XYLB: variants seen among roughly 807,000 people sequenced by gnomAD.
XYLB encodes xylulokinase.
A neutral mutation model predicts 78.7 loss-of-function variants in XYLB; 62 were observed. That is an observed-to-expected ratio of 0.79 (90% confidence interval 0.64 to 0.97). The LOEUF (loss-of-function observed/expected upper bound fraction) is 0.97, where lower values mean the gene tolerates loss of function less well. XYLB is among the 50% of genes least tolerant of loss of function. The probability of loss-of-function intolerance (pLI) is 0.00; values close to 1 mark genes in which losing one functional copy is unlikely to be tolerated. For missense variants in XYLB, 687 were observed against 676.8 expected, an observed-to-expected ratio of 1.02 and a Z score of -0.17; for synonymous variants, 245 against 247.4, an observed-to-expected ratio of 0.99 and a Z score of 0.09.
chr3:38,419,592 ATATATATATAT>A (rs1559628742), downstream of XYLB, among the ~76,000 whole-genome samples: 3 of 119,838 alleles, frequency 2.5e-5, 1 homozygote, highest in Admixed American at 8.7e-5. Flanking sequence ...ATATATATAT[ATATATATATAT>A]AATAGCCATC....
chr3:38,369,420 A>T (rs1376337539), intron 8 of XYLB, among the ~76,000 whole-genome samples: 1 of 151,888 alleles, frequency 6.6e-6, no homozygotes, highest in Non-Finnish European at 1.5e-5. Flanking sequence ...TGGGCCCTCC[A>T]CTCTGCCCCC....
At chr3:38,375,975 G>T in intron 12 of XYLB, 142 bp from the exon 13 acceptor site, 1 of 672,460 alleles carries the variant, frequency 1.5e-6, no homozygotes, top group East Asian at 2.5e-5. Context: ...CGATACCTAA[G>T]TTTCAAAGCC....
chr3:38,434,457 A>T, the XYLB span, among the ~76,000 whole-genome samples: 863 of 152,350 alleles, frequency 5.7e-3, 8 homozygotes, highest in African/African-American at 0.02. Flanking sequence ...AGCCAAAAAT[A>T]TTTTATTCAA....
intron 15 of XYLB, among the ~76,000 whole-genome samples, chr3:38,388,185 T>G (rs1198027512): frequency 6.6e-6 from 1 of 150,698 alleles, no homozygotes; most frequent in African/African-American, 2.4e-5. Flanking sequence ...TTTTTTTTTT[T>G]TTTTTTACTT....
chr3:38,400,313 T>C (rs546674121), intron 17 of XYLB, among the ~76,000 whole-genome samples: 2 of 152,214 alleles, frequency 1.3e-5, no homozygotes, highest in African/African-American at 4.8e-5. Flanking sequence ...CAATAATCAC[T>C]GAAATATATG....
At chr3:38,429,827 A>G in the XYLB span, among the ~76,000 whole-genome samples, 4 of 152,018 alleles carry the variant, frequency 2.6e-5, no homozygotes, top group African/African-American at 9.7e-5. Context: ...TGTCCTTGAG[A>G]TAGTTTGCTC....
rs1465245037 is a variant in XYLB, at chr3:38,414,679, A to G, written c.*1666A>G. 6.6e-6 allele frequency: 1 copy of G among 152,244 alleles called. No individual in the cohort carries two copies. The highest frequency in any genetic ancestry group is 1.5e-5 in the Non-Finnish European group (1 of 68,044). The allele number at this position is 152,244 out of a possible 1,614,324, so 9.4% of individuals were successfully genotyped here. ...TGGGAAATAATTTGAACAAAAAGAT[A>G]AATCTTCACAGATATGAATACTAAA... On this transcript the variant is annotated 3_prime_UTR_variant, in exon 19 of 19. Transcript: ENST00000207870.
intron 3 of XYLB, among the ~76,000 whole-genome samples, chr3:38,361,599 A>C (rs991927308): frequency 6.6e-6 from 1 of 152,172 alleles, no homozygotes; most frequent in Non-Finnish European, 1.5e-5. Flanking sequence ...CAGTGTCAGG[A>C]GGTCCCAGTG....
chr3:38,347,743 G>T (rs1354046970), intron 1 of XYLB, among the ~76,000 whole-genome samples: 1 of 152,142 alleles, frequency 6.6e-6, no homozygotes, highest in African/African-American at 2.4e-5. Context: ...ACCGCCCTTC[G>T]TTGACACCAG....
At chr3:38,392,882 T>C (rs1007300623) in intron 15 of XYLB, among the ~76,000 whole-genome samples, 2 of 152,320 alleles carry the variant, frequency 1.3e-5, no homozygotes. Context: ...TTTAAGAGAT[T>C]TCCCCCCACT....
chr3:38,413,161 G>T lies in XYLB; in HGVS notation c.*148G>T. 4.6e-6 allele frequency: 3 copies of T among 658,302 alleles called. No homozygotes were observed. Among genetic ancestry groups the T allele is most frequent in the South Asian group, 2.7e-5 (1 of 37,258 alleles). 40.8% of individuals were successfully genotyped at this position (658,302 alleles called of 1,614,324 possible). On this transcript the variant is annotated 3_prime_UTR_variant, in exon 19 of 19. Coordinates refer to ENST00000207870, the MANE Select transcript of XYLB (RefSeq NM_005108.4). ...GAGTGTCCAGGACCATCTTAAAGCCGCCCTCAGCACATCTGCATGAAGATA... is the reference window on the plus strand; with the variant it reads ...GAGTGTCCAGGACCATCTTAAAGCCTCCCTCAGCACATCTGCATGAAGATA...
chr3:38,384,510 G>A (rs1304197881), intron 15 of XYLB, among the ~76,000 whole-genome samples: 1 of 152,224 alleles, frequency 6.6e-6, no homozygotes, highest in Non-Finnish European at 1.5e-5. Flanking sequence ...GAGAGGTGGG[G>A]GCTGAATGTC....
chr3:38,398,823 G>C (rs1450624869), intron 17 of XYLB, among the ~76,000 whole-genome samples: 1 of 150,508 alleles, frequency 6.6e-6, no homozygotes, highest in Admixed American at 6.6e-5. Flanking sequence ...AGGAGATCGA[G>C]ATCATCCTGG....
chr3:38,369,887 T>G (rs1310165468), intron 8 of XYLB, among the ~76,000 whole-genome samples, 169 bp from the exon 9 acceptor site: 1 of 152,142 alleles, frequency 6.6e-6, no homozygotes, highest in African/African-American at 2.4e-5. Context: ...GCCCCTCTTG[T>G]CTCTGGTTCT....
chr3:38,349,074 G>A (rs1050292406), intron 2 of XYLB, among the ~76,000 whole-genome samples: 10 of 152,208 alleles, frequency 6.6e-5, no homozygotes, highest in African/African-American at 1.9e-4. Flanking sequence ...GTCCCAGAGC[G>A]TCTCTAGGGA....
chr3:38,363,008 G>A lies in XYLB; in HGVS notation c.282G>A (p.Gly94=). The A allele has an allele frequency of 6.4e-7, 1 of 1,557,760 alleles. No individual in the cohort carries two copies. The highest frequency in any genetic ancestry group is 2.4e-5 in the East Asian group (1 of 41,656). The change falls in exon 4 of 19, where the codon GGG becomes GGA. Residue 94 remains glycine, a synonymous_variant. Transcript: ENST00000207870. ...FDFSQVLALS[G]AGQQHGSIYW... ...TCTCTCAAGTCCTAGCCTTGTCCGGGGCGGGCCAGGTTCGTTTGCAGCAGA... is the reference window on the plus strand; with the variant it reads ...TCTCTCAAGTCCTAGCCTTGTCCGGAGCGGGCCAGGTTCGTTTGCAGCAGA...
downstream of XYLB, among the ~76,000 whole-genome samples, chr3:38,420,691 G>A (rs1275877180): frequency 6.6e-6 from 1 of 151,696 alleles, no homozygotes; most frequent in Non-Finnish European, 1.5e-5. Context: ...TTTTGTGTCA[G>A]TGTTAATAAT....
chr3:38,401,082 T>C (rs1366163349), intron 18 of XYLB, 97 bp downstream of exon 18: 1 of 1,031,780 alleles, frequency 9.7e-7, no homozygotes, highest in African/African-American at 1.6e-5. Context: ...GAACGTGATG[T>C]GCTCAACTAA....
At chr3:38,392,641 T>C (rs1412920966) in intron 15 of XYLB, among the ~76,000 whole-genome samples, 1 of 152,190 alleles carries the variant, frequency 6.6e-6, no homozygotes, top group Non-Finnish European at 1.5e-5. Context: ...CTGGTTTCTT[T>C]CTCTGAATTG....
Sources: gnomAD v4.1 joint callset for allele counts (sites outside exome capture counted in the v4.1 genomes callset) on GRCh38, gnomAD v4.1.1 for gene constraint, MANE v1.5 for transcripts, NCBI Gene and HGNC (gene_info 2026-07-23, HGNC 2026-07-21) for gene names.